HERC1: variants seen among roughly 807,000 people sequenced by gnomAD.
The protein encoded by HERC1 is HECT and RLD domain containing E3 ubiquitin protein ligase family member 1.
HERC1 carries 160 observed loss-of-function variants against 554.3 expected under a neutral mutation model. The observed-to-expected ratio is 0.29, with a 90% confidence interval of 0.25 to 0.33. HERC1 has a LOEUF of 0.33. HERC1 is among the 10% of genes least tolerant of loss of function. The pLI, the probability that HERC1 is intolerant of heterozygous loss-of-function variation, is 1.00. For missense variants in HERC1, 4,919 were observed against 5,918.5 expected (o/e 0.83, Z 5.54); for synonymous variants, 2,175 against 2,131.7 (o/e 1.02, Z -0.56).
intron 1 of HERC1, among the ~76,000 whole-genome samples, chr15:63,776,745 T>G (rs1226053635): frequency 6.6e-6 from 1 of 152,184 alleles, no homozygotes; most frequent in Admixed American, 6.5e-5. Flanking sequence ...GCAGGAGGAC[T>G]GCTTGAGCTC....
At chr15:63,685,427 T>TA (rs1249215270) in intron 34 of HERC1, among the ~76,000 whole-genome samples, 2 of 152,264 alleles carry the variant, frequency 1.3e-5, no homozygotes, top group East Asian at 1.9e-4. Context: ...ACATATACCC[T>TA]AAGGGATTAT....
At position 63,672,526 on chromosome 15, in the gene HERC1, G is replaced by T. The variant is rs368217073; in HGVS notation, c.8015C>A (p.Ser2672Tyr). 11 of 1,603,654 alleles carry T rather than the reference G, an allele frequency of 6.9e-6. No individual in the cohort carries two copies. The highest frequency in any genetic ancestry group is 2.7e-5 in the African/African-American group (2 of 74,762). ...TDTETVPASE[S>Y]PGVMPLSLLR... ...AAGACTAAGAGGCATCACTCCCGGG[G>T]ACTCGGATGCAGGCACTGTTTCTGT... The change falls in exon 39 of 78, where the codon TCC (serine) becomes TAC (tyrosine). Residue 2672 changes from serine to tyrosine, a missense_variant. Physicochemically the swap from Ser to Tyr is moderately radical, Grantham distance 144. This residue lies in a region of HERC1 where 1,963 missense variants were observed against 2,228.6 expected (regional missense o/e 0.88). Transcript: ENST00000443617.
In HERC1 at chr15:63,749,590, A is replaced by C; in HGVS notation, c.2048-52T>G. Reference sequence around the variant, plus strand: ...TAAAAGAAAAGCCAAATTCAAATGTAATATATTTACACAAGACAACAGTTA... The same window carrying C: ...TAAAAGAAAAGCCAAATTCAAATGTCATATATTTACACAAGACAACAGTTA... On this transcript the variant is annotated intron_variant, in intron 9 of 77. Transcript: ENST00000443617. This position sits in a 1 kb window ranked among gnomAD's most constrained non-coding sequence, Gnocchi z 4.1. 6.4e-7 allele frequency: 1 copy of C among 1,574,722 alleles called. No homozygotes were observed. Among genetic ancestry groups the C allele is most frequent in the Non-Finnish European group, 8.6e-7 (1 of 1,161,182 alleles).
chr15:63,672,738 T>G, intron 38 of HERC1, 44 bp from the exon 39 acceptor site: 1 of 1,377,130 alleles, frequency 7.3e-7, no homozygotes, highest in Non-Finnish European at 9.9e-7. Flanking sequence ...AGGATTTGTT[T>G]TTTCAAAAAT....
intron 24 of HERC1, 52 bp downstream of exon 24, chr15:63,712,723 T>A (rs1257748537): frequency 6.4e-7 from 1 of 1,567,050 alleles, no homozygotes. Context: ...GCCTTACATA[T>A]CATATACCTT....
At chr15:63,760,533 G>GA (rs1235789455) in intron 3 of HERC1, among the ~76,000 whole-genome samples, 4 of 147,770 alleles carry the variant, frequency 2.7e-5, no homozygotes, top group Non-Finnish European at 6.0e-5. Context: ...AGAAATAAGA[G>GA]AAAAAAATCA....
rs2075083698 is a variant in HERC1 at position 63,747,157 on chromosome 15, T to C, written c.2355-74A>G. Reference sequence around the variant, plus strand: ...TGCTATCCAGTTTGGGTAACATTTTTATATCTTTAAAAATTTTGTTGGCTA... The same window carrying C: ...TGCTATCCAGTTTGGGTAACATTTTCATATCTTTAAAAATTTTGTTGGCTA... On this transcript the variant is annotated intron_variant, in intron 11 of 77. Coordinates refer to ENST00000443617, the MANE Select transcript of HERC1 (RefSeq NM_003922.4). 6 of 1,419,632 alleles carry C rather than the reference T, an allele frequency of 4.2e-6. No individual in the cohort carries two copies. The African/African-American group carries it at 5.8e-5, about 14-fold the overall frequency. The allele number at this position is 1,419,632 out of a possible 1,614,324, so 87.9% of individuals were successfully genotyped here. A position where few individuals can be genotyped will look rare whatever the true frequency, so the allele number is the denominator to read the frequency against.
intron 76 of HERC1, among the ~76,000 whole-genome samples, chr15:63,615,226 T>TGAAA (rs2067763067): frequency 6.6e-6 from 1 of 152,018 alleles, no homozygotes; most frequent in South Asian, 2.1e-4. Flanking sequence ...ACAGTCTCAA[T>TGAAA]CCAACCAAAG....
At chr15:63,622,714 TA>T in intron 74 of HERC1, 100 bp downstream of exon 74, 1 of 796,428 alleles carries the variant, frequency 1.3e-6, no homozygotes, top group Non-Finnish European at 2.0e-6. Context: ...ATAATAGGTG[TA>T]AAGCACTTAA....
At chr15:63,821,234 CA>C (rs1567162233) in intron 1 of HERC1, among the ~76,000 whole-genome samples, 2 of 152,000 alleles carry the variant, frequency 1.3e-5, no homozygotes, top group East Asian at 3.9e-4. Context: ...CCAGCCTAGG[CA>C]ACAGAGTGAG....
chr15:63,623,923 A>G (rs2068191056), intron 72 of HERC1, 33 bp from the exon 73 acceptor site: 1 of 1,602,246 alleles, frequency 6.2e-7, no homozygotes. Flanking sequence ...AATGAAATAC[A>G]ACTCTTACCA....
chr15:63,710,087 A>C (rs1012159319), intron 24 of HERC1, among the ~76,000 whole-genome samples: 2 of 152,258 alleles, frequency 1.3e-5, no homozygotes, highest in African/African-American at 4.8e-5. Flanking sequence ...CTGCAGAAGA[A>C]TACTGGTTCC....
At chr15:63,640,130 T>C (rs370797485) in intron 61 of HERC1, 22 bp downstream of exon 61, 22 of 1,607,276 alleles carry the variant, frequency 1.4e-5, no homozygotes, top group East Asian at 1.3e-4. Flanking sequence ...CTGCAAATAA[T>C]AGCAGCTCAC....
In HERC1 at chr15:63,799,255, T is replaced by C. The variant is rs190476107; in HGVS notation, c.-26-23606A>G. Among the ~76,000 whole-genome samples the C allele has an allele frequency of 1.4e-4, 21 of 152,234 alleles. No individual in the cohort carries two copies. The East Asian group carries it at 4.1e-3, about 29-fold the overall frequency. ...GTGGCTCACGTCTGTAATCACAGCA[T>C]TTTGGGAAGCTGAGGTAGAAGGATC... is the stretch of plus-strand genomic sequence containing the variant. On this transcript the variant is annotated intron_variant, in intron 1 of 77. Transcript: ENST00000443617.
At chr15:63,643,098 G>T in intron 58 of HERC1, 40 bp from the exon 59 acceptor site, 1 of 1,195,076 alleles carries the variant, frequency 8.4e-7, no homozygotes, top group Non-Finnish European at 1.2e-6. Context: ...CCATTGAACT[G>T]TAGGTATAAT....
At chr15:63,632,061 T>C (rs2068584260) in intron 68 of HERC1, among the ~76,000 whole-genome samples, 1 of 152,164 alleles carries the variant, frequency 6.6e-6, no homozygotes, top group African/African-American at 2.4e-5. Context: ...TAGTGGACAT[T>C]TCCACACATT....
At chr15:63,667,728 T>C (rs999426821) in intron 40 of HERC1, among the ~76,000 whole-genome samples, 6 of 152,214 alleles carry the variant, frequency 3.9e-5, no homozygotes, top group Non-Finnish European at 7.3e-5. Context: ...TAAAGACATA[T>C]ACTATAAACC....
At chr15:63,820,747 T>C (rs1328629543) in intron 1 of HERC1, among the ~76,000 whole-genome samples, 1 of 152,308 alleles carries the variant, frequency 6.6e-6, no homozygotes, top group South Asian at 2.1e-4. Flanking sequence ...TGAACTCCTG[T>C]GCTCAAGCAG....
At chr15:63,619,350 T>C (rs1406994515) in intron 74 of HERC1, among the ~76,000 whole-genome samples, 1 of 152,220 alleles carries the variant, frequency 6.6e-6, no homozygotes. Context: ...TGAAGCCCAC[T>C]TGATCATGGT....
Sources: allele counts gnomAD v4.1 joint callset (sites outside exome capture counted in the v4.1 genomes callset), GRCh38; gene constraint gnomAD v4.1.1; regional missense constraint gnomAD v4.1.1; non-coding constraint Gnocchi (gnomAD v3.1); transcripts MANE v1.5; gene names NCBI Gene and HGNC (gene_info 2026-07-23, HGNC 2026-07-21).